BSCL2: variants seen among roughly 807,000 people sequenced by gnomAD.
The protein encoded by BSCL2 is BSCL2 lipid droplet biogenesis associated, seipin.
BSCL2 carries 41 observed loss-of-function variants against 57.4 expected under a neutral mutation model. That is an observed-to-expected ratio of 0.71 (90% CI 0.56 to 0.93). The LOEUF is 0.93. Among genes scored for constraint, BSCL2 ranks in the 40% least tolerant of loss-of-function variants. The pLI is 0.00. For missense variants in BSCL2, 539 were observed against 586.7 expected (o/e 0.92, Z 0.84); for synonymous variants, 237 against 227.3 (o/e 1.04, Z -0.38).
intron 3 of BSCL2, among the ~76,000 whole-genome samples, chr11:62,700,084 T>TA (rs34412546): frequency 1.0e-3 from 84 of 80,226 alleles, no homozygotes; most frequent in African/African-American, 3.4e-3. Context: ...TACTAAAAAT[T>TA]AAAAAAAAAA....
In BSCL2 at chr11:62,703,011, G is replaced by T. The variant is rs200764427; in HGVS notation, c.405-462C>A. On this transcript the variant is annotated intron_variant, in intron 2 of 10. Coordinates refer to ENST00000360796, the MANE Select transcript of BSCL2 (RefSeq NM_001122955.4). ...ACTAAAAATACAAAATTAGCGGGGC[G>T]TGGTGGCGCATGCCTGTAATCCCAC... 9.9e-5 allele frequency among the ~76,000 whole-genome samples: 15 copies of T among 152,174 alleles called. No homozygotes were observed. In the East Asian group the frequency reaches 2.7e-3, roughly 28 times the overall value.
Position 62,705,270 on chromosome 11 carries a change from G to A in BSCL2, c.404+31C>T, listed in dbSNP as rs116907391. The A allele has an allele frequency of 1.6e-3, 2,485 of 1,565,812 alleles. 3 individuals carry two copies. The highest frequency in any genetic ancestry group is 2.0e-3 in the Non-Finnish European group (2,351 of 1,149,580). Reference sequence around the variant, plus strand: ...CAAGGGCCTTACAATTCCCATAGGAGTCCTCTATTTTGATAGAAGGCCCCT... The same window carrying A: ...CAAGGGCCTTACAATTCCCATAGGAATCCTCTATTTTGATAGAAGGCCCCT... On this transcript the variant is annotated intron_variant, in intron 2 of 10. Coordinates refer to ENST00000360796, the MANE Select transcript of BSCL2 (RefSeq NM_001122955.4).
rs1060503382 is a variant in BSCL2, at chr11:62,690,402, C to A, written c.1354G>T (p.Ala452Ser). 31 of 1,614,022 alleles carry A rather than the reference C, an allele frequency of 1.9e-5. No individual in the cohort carries two copies. Among genetic ancestry groups the A allele is most frequent in the Middle Eastern group, 1.7e-4 (1 of 6,052 alleles). ...TLGSSEPAGGALRQRPTCSSS is the reference protein window; with the variant it reads ...TLGSSEPAGGSLRQRPTCSSS ...GAGCAGGTGGGGCGCTGTCGGAGAG[C>A]ACCCCCAGCAGGTTCAGAGCTGCCC... Residue 452 changes from alanine to serine, a missense_variant, in exon 11 of 11, where the codon GCT becomes TCT. Ala to Ser is a moderately conservative substitution (Grantham distance 99). Coordinates refer to ENST00000360796, the MANE Select transcript of BSCL2 (RefSeq NM_001122955.4).
At position 62,701,368 on chromosome 11, in the gene BSCL2, C is replaced by T. The variant is rs75734601; in HGVS notation, c.486+1100G>A. On this transcript the variant is annotated intron_variant, in intron 3 of 10. Coordinates refer to ENST00000360796, the MANE Select transcript of BSCL2 (RefSeq NM_001122955.4). ...AGTTGAAACTATCACAAGCTGAAAA[C>T]GCATTTAGTACACCTAACCTAAAGA... Among the ~76,000 whole-genome samples, 1,151 of 152,244 alleles carry T rather than the reference C, an allele frequency of 7.6e-3. 8 individuals carry two copies. The highest frequency in any genetic ancestry group is 0.026 in the African/African-American group (1,100 of 41,544).
rs150158560 is a variant in BSCL2, at chr11:62,694,568, C to T, written c.630G>A (p.Ser210=). 1.4e-5 allele frequency: 23 copies of T among 1,613,830 alleles called. No homozygotes were observed. The highest frequency in any genetic ancestry group is 1.1e-4 in the South Asian group (10 of 91,072). The change falls in exon 4 of 11, where the codon TCG becomes TCA. Residue 210 remains serine, a splice_region_variant and synonymous_variant. Coordinates refer to ENST00000360796, the MANE Select transcript of BSCL2 (RefSeq NM_001122955.4). The part of the protein sequence containing the change: ...GGRIISTSSR[S]VMLHYRSDLL... ...TCTCAGACAGGCCACCAACACTTAC[C>T]GAACGCGAAGAAGTGGAGATGATTC...
chr11:62,702,670 T>C (rs1277049153), intron 2 of BSCL2, 121 bp from the exon 3 acceptor site: 1 of 751,212 alleles, frequency 1.3e-6, no homozygotes, highest in Non-Finnish European at 2.3e-6. Context: ...GGCACCCTTC[T>C]CTCTGTTACA....
rs1945308227 is a variant in BSCL2 at position 62,691,428 on chromosome 11, C to T, written c.864-7G>A. 2 of 1,614,114 alleles carry T rather than the reference C, an allele frequency of 1.2e-6. No individual in the cohort carries two copies. The highest frequency in any genetic ancestry group is 1.7e-6 in the Non-Finnish European group (2 of 1,179,996). The stretch of plus-strand genomic sequence containing the variant: ...GAAGTTGTATAGCAGGTATCTGAGG[C>T]AGGAAGTAGGGACAAGAAGGTAGTA... On this transcript the variant is annotated splice_region_variant and splice_polypyrimidine_tract_variant and intron_variant, in intron 6 of 10. Transcript: ENST00000360796.
chr11:62,695,736 A>ATTTGGAAAATACTTCCCTAGCCC (rs1945441374), intron 3 of BSCL2, among the ~76,000 whole-genome samples: 1 of 150,078 alleles, frequency 6.7e-6, no homozygotes, highest in East Asian at 1.9e-4. Flanking sequence ...AAAAAAAAAA[A>ATTTGGAAAATACTTCCCTAGCCC]ATTTGGAAAA....
At chr11:62,693,729 C>T (rs1483005096) in intron 4 of BSCL2, among the ~76,000 whole-genome samples, 1 of 152,178 alleles carries the variant, frequency 6.6e-6, no homozygotes, top group Non-Finnish European at 1.5e-5. Flanking sequence ...AGCAGCTCCA[C>T]TCTTCACACT....
chr11:62,704,422 T>C (rs1211095145), intron 2 of BSCL2, among the ~76,000 whole-genome samples: 1 of 149,456 alleles, frequency 6.7e-6, no homozygotes, highest in African/African-American at 2.5e-5. Context: ...GGCAGGTGCC[T>C]GTAGTACCAG....
chr11:62,705,371 G>A lies in BSCL2; in HGVS notation c.334C>T (p.Leu112Phe), dbSNP rs1057517657. 3 of 1,614,154 alleles carry A rather than the reference G, an allele frequency of 1.9e-6. No individual in the cohort carries two copies. Among genetic ancestry groups the A allele is most frequent in the East Asian group, 2.2e-5 (1 of 44,882 alleles). ...TAGGAATAGTAGAAGGAGCCATAGA[G>A]GAAGACAGACACCCAGAGCAAAAGG... ...ILLLLWVSVF[L>F]YGSFYYSYMP... The change falls in exon 2 of 11, where the codon CTC becomes TTC. Residue 112 changes from leucine to phenylalanine, a missense_variant. By Grantham distance (22) the Leu-to-Phe change is conservative (BLOSUM62 0). Coordinates refer to ENST00000360796, the MANE Select transcript of BSCL2 (RefSeq NM_001122955.4).
Position 62,701,869 on chromosome 11 carries a change from G to A in BSCL2, c.486+599C>T, listed in dbSNP as rs888427434. The stretch of plus-strand genomic sequence containing the variant: ...AAAGAAAGAGAGTGAAAAACAGAAT[G>A]GTTGTATAGGTACCTGAAGTACAGT... On this transcript the variant is annotated intron_variant, in intron 3 of 10. Transcript: ENST00000360796. 2.0e-5 allele frequency among the ~76,000 whole-genome samples: 3 copies of A among 151,524 alleles called. No individual in the cohort carries two copies. The South Asian group carries it at 6.2e-4, about 32-fold the overall frequency.
In BSCL2 at chr11:62,694,561, C is replaced by A; in HGVS notation, c.630+7G>T. 1.2e-6 allele frequency: 2 copies of A among 1,613,970 alleles called. No homozygotes were observed. Among genetic ancestry groups the A allele is most frequent in the Non-Finnish European group, 1.7e-6 (2 of 1,179,972 alleles). On this transcript the variant is annotated splice_region_variant and intron_variant, in intron 4 of 10. Coordinates refer to ENST00000360796, the MANE Select transcript of BSCL2 (RefSeq NM_001122955.4). ...CACACCTTCTCAGACAGGCCACCAA[C>A]ACTTACCGAACGCGAAGAAGTGGAG... is the stretch of plus-strand genomic sequence containing the variant.
intron 3 of BSCL2, among the ~76,000 whole-genome samples, chr11:62,699,400 G>C (rs1011729908): frequency 6.6e-6 from 1 of 150,818 alleles, no homozygotes; most frequent in African/African-American, 2.4e-5. Flanking sequence ...GTTTCACCAT[G>C]TTGGTCAGGA....
In BSCL2 at chr11:62,707,403, A is replaced by G. The variant is rs2134748936; in HGVS notation, c.-208T>C. On this transcript the variant is annotated 5_prime_UTR_variant, in exon 1 of 11. Transcript: ENST00000360796. ...GAAAGGAGGAGGGGGGCGACTGCCCAGCTGATGTCAGATTTTCAAATGAGC... is the reference window on the plus strand; with the variant it reads ...GAAAGGAGGAGGGGGGCGACTGCCCGGCTGATGTCAGATTTTCAAATGAGC... 4.3e-6 allele frequency: 3 copies of G among 702,682 alleles called. No homozygotes were observed. The South Asian group carries it at 4.4e-5, about 10-fold the overall frequency. The allele number at this position is 702,682 out of a possible 1,614,324, so 43.5% of individuals were successfully genotyped here.
Position 62,690,427 on chromosome 11 carries a change from C to T in BSCL2, c.1329G>A (p.Leu443=). The T allele has an allele frequency of 6.2e-7, 1 of 1,614,146 alleles. No homozygotes were observed. The highest frequency in any genetic ancestry group is 8.5e-7 in the Non-Finnish European group (1 of 1,180,032). Reference sequence around the variant, plus strand: ...CACCCCCAGCAGGTTCAGAGCTGCCCAGAGTCTCTAGGACAGGGGCAGAAG... The same window carrying T: ...CACCCCCAGCAGGTTCAGAGCTGCCTAGAGTCTCTAGGACAGGGGCAGAAG... The part of the protein sequence containing the change: ...ASASAPVLET[L]GSSEPAGGAL... Residue 443 remains leucine (L), a synonymous_variant, in exon 11 of 11, where the codon CTG becomes CTA. Transcript: ENST00000360796.
intron 3 of BSCL2, 117 bp downstream of exon 3, chr11:62,702,351 C>G (rs1037290026): frequency 4.3e-6 from 4 of 936,960 alleles, no homozygotes; most frequent in Non-Finnish European, 6.5e-6. Flanking sequence ...CAGGCGTGAG[C>G]CACCGTGCCC....
At chr11:62,708,883 C>CTAAGGGGCTCA, upstream of BSCL2, 1 of 1,107,858 alleles carries the variant, frequency 9.0e-7, no homozygotes. Context: ...TGTTGTGAGC[C>CTAAGGGGCTCA]CCTTAGGCTC....
upstream of BSCL2, chr11:62,708,092 GA>G: frequency 1.7e-6 from 1 of 599,904 alleles, no homozygotes; most frequent in Non-Finnish European, 3.0e-6. Flanking sequence ...GGCCATGAGG[GA>G]GTTTGGGGAG....
Sources: gnomAD v4.1 joint callset for allele counts (sites outside exome capture counted in the v4.1 genomes callset) on GRCh38, gnomAD v4.1.1 for gene constraint, MANE v1.5 for transcripts, NCBI Gene and HGNC (gene_info 2026-07-23, HGNC 2026-07-21) for gene names.